PAX5: variants seen among roughly 807,000 people sequenced by gnomAD.
The protein encoded by PAX5 is paired box 5.
PAX5 carries 9 observed loss-of-function variants against 43.7 expected under a neutral mutation model. That is an observed-to-expected ratio of 0.21 (90% CI 0.12 to 0.36). The LOEUF is 0.36. Ranked by LOEUF, PAX5 falls within the 10% of genes least tolerant of loss-of-function variation. The pLI, the probability that PAX5 is intolerant of heterozygous loss-of-function variation, is 1.00. For synonymous variants in PAX5, 228 were observed against 214.3 expected, an observed-to-expected ratio of 1.06 and a Z score of -0.56; for missense variants, 383 against 532.7, an observed-to-expected ratio of 0.72 and a Z score of 2.77.
chr9:36,946,766 A>G (rs1832553227), intron 6 of PAX5, among the ~76,000 whole-genome samples: 1 of 152,168 alleles, frequency 6.6e-6, no homozygotes, highest in Admixed American at 6.5e-5. Flanking sequence ...GCTGGCCTGG[A>G]AGCATCCCCA....
At chr9:37,002,394 C>T (rs1005215745) in intron 5 of PAX5, among the ~76,000 whole-genome samples, 8 of 152,244 alleles carry the variant, frequency 5.3e-5, no homozygotes, top group Non-Finnish European at 2.9e-5. Flanking sequence ...CTGCCAGGCC[C>T]GCTGCTTCTA....
chr9:36,930,041 T>C (rs1830997396), intron 6 of PAX5, among the ~76,000 whole-genome samples: 1 of 151,736 alleles, frequency 6.6e-6, no homozygotes, highest in African/African-American at 2.4e-5. Flanking sequence ...CAGACTCTTA[T>C]AAGACCTCAA....
intron 9 of PAX5, among the ~76,000 whole-genome samples, chr9:36,843,343 C>T (rs1196571763): frequency 6.6e-6 from 1 of 152,130 alleles, no homozygotes; most frequent in Non-Finnish European, 1.5e-5. Flanking sequence ...GAGAGGTGAA[C>T]GGGCCTGGAG....
At chr9:37,008,169 C>T (rs1838621721) in intron 3 of PAX5, 2 of 152,280 alleles carry the variant, frequency 1.3e-5, no homozygotes, top group African/African-American at 4.8e-5. Context: ...AACTGATTCT[C>T]CTGCCTCAGC....
At chr9:36,914,760 T>G (rs1481515982) in intron 7 of PAX5, among the ~76,000 whole-genome samples, 1 of 152,122 alleles carries the variant, frequency 6.6e-6, no homozygotes, top group Non-Finnish European at 1.5e-5. Flanking sequence ...AGCACCATAA[T>G]GCCCCAAAAA....
intron 5 of PAX5, among the ~76,000 whole-genome samples, chr9:36,982,416 C>T (rs1182835324): frequency 6.6e-6 from 1 of 152,192 alleles, no homozygotes; most frequent in Non-Finnish European, 1.5e-5. Flanking sequence ...TGCCAGGGAA[C>T]CCAGTCTCAG....
chr9:36,980,693 G>A (rs897234186), intron 5 of PAX5, among the ~76,000 whole-genome samples: 7 of 152,278 alleles, frequency 4.6e-5, no homozygotes, highest in East Asian at 3.9e-4. Flanking sequence ...GCCCAGGGTC[G>A]AGTGGGAGCC....
In PAX5 at chr9:37,012,445, A is replaced by C. The variant is rs537966514; in HGVS notation, c.410+2552T>G. Among the ~76,000 whole-genome samples, 24 of 152,302 alleles carry C rather than the reference A, an allele frequency of 1.6e-4. No individual in the cohort carries two copies. The South Asian group carries it at 4.8e-3, about 30-fold the overall frequency. ...TTAAGGACTATAGGAGACCACAGAC[A>C]TGAAAGCACCTTAGAGGCATGGCCT... On this transcript the variant is annotated intron_variant, in intron 3 of 9. Transcript: ENST00000358127.
At chr9:36,872,349 C>A (rs1035841648) in intron 8 of PAX5, among the ~76,000 whole-genome samples, 17 of 152,192 alleles carry the variant, frequency 1.1e-4, no homozygotes, top group African/African-American at 4.1e-4. Context: ...CTTAGGGAGC[C>A]CTCCAGTTCG....
chr9:36,967,164 C>A (rs1429513985), intron 5 of PAX5, among the ~76,000 whole-genome samples: 1 of 152,148 alleles, frequency 6.6e-6, no homozygotes, highest in Non-Finnish European at 1.5e-5. Flanking sequence ...GAGTTGAGGT[C>A]CTTACCCTGG....
chr9:36,982,550 A>G (rs75214783), intron 5 of PAX5, among the ~76,000 whole-genome samples: 3,887 of 152,240 alleles, frequency 0.026, 64 homozygotes, highest in Non-Finnish European at 0.035. Flanking sequence ...GACAGAAAGA[A>G]CCTGTCCAGT....
At chr9:36,961,294 G>A (rs1456353085) in intron 6 of PAX5, among the ~76,000 whole-genome samples, 1 of 152,184 alleles carries the variant, frequency 6.6e-6, no homozygotes, top group African/African-American at 2.4e-5. Flanking sequence ...ATTTCTAGTG[G>A]TTTTCTCTGT....
chr9:37,020,205 G>T (rs1373861761), intron 2 of PAX5, among the ~76,000 whole-genome samples: 4 of 152,048 alleles, frequency 2.6e-5, no homozygotes, highest in African/African-American at 9.7e-5. Flanking sequence ...ACATAACAAG[G>T]TTGATAATAA....
chr9:36,863,881 T>A (rs547255035), intron 8 of PAX5, among the ~76,000 whole-genome samples: 3 of 152,138 alleles, frequency 2.0e-5, no homozygotes, highest in South Asian at 2.1e-4. Flanking sequence ...GAGGCTAAGG[T>A]GGGCGGATCA....
At chr9:36,926,736 C>T (rs906681718) in intron 6 of PAX5, among the ~76,000 whole-genome samples, 5 of 152,168 alleles carry the variant, frequency 3.3e-5, no homozygotes, top group African/African-American at 9.7e-5. Context: ...TCTGTGTTCC[C>T]GAATGCCCTA....
At chr9:36,935,631 C>T (rs1055832322) in intron 6 of PAX5, among the ~76,000 whole-genome samples, 1 of 152,202 alleles carries the variant, frequency 6.6e-6, no homozygotes, top group African/African-American at 2.4e-5. Context: ...AATCAGAAGG[C>T]CCTTTTCTTC....
At chr9:37,016,399 A>T (rs1839383965) in intron 2 of PAX5, among the ~76,000 whole-genome samples, 1 of 152,198 alleles carries the variant, frequency 6.6e-6, no homozygotes, top group Non-Finnish European at 1.5e-5. Flanking sequence ...AAAACCAACC[A>T]CAAGTCACGG....
At chr9:36,898,194 T>C (rs1336509061) in intron 7 of PAX5, among the ~76,000 whole-genome samples, 2 of 152,164 alleles carry the variant, frequency 1.3e-5, no homozygotes, top group Non-Finnish European at 2.9e-5. Context: ...AAATAGAACA[T>C]TCAAACGTGT....
chr9:36,948,900 C>G (rs1392828764), intron 6 of PAX5, among the ~76,000 whole-genome samples: 1 of 152,146 alleles, frequency 6.6e-6, no homozygotes, highest in Admixed American at 6.5e-5. Context: ...CCCTGACTCT[C>G]TGCCCTGTAG....
Sources: allele counts gnomAD v4.1 joint callset (sites outside exome capture counted in the v4.1 genomes callset), GRCh38; gene constraint gnomAD v4.1.1; transcripts MANE v1.5; gene names NCBI Gene and HGNC (gene_info 2026-07-23, HGNC 2026-07-21).